MARCHF1: variants seen among roughly 807,000 people sequenced by gnomAD.
The protein encoded by MARCHF1 is membrane associated ring-CH-type finger 1, also known as E3 ubiquitin-protein ligase MARCHF1.
MARCHF1 carries 40 observed loss-of-function variants against 54.2 expected under a neutral mutation model. The observed-to-expected ratio is 0.74, with a 90% CI of 0.57 to 0.96. The LOEUF (loss-of-function observed/expected upper bound fraction) is 0.96, where lower values mean the gene tolerates loss of function less well. MARCHF1 is among the 40% of genes least tolerant of loss of function. MARCHF1 has a pLI of 0.00. For missense variants in MARCHF1, 586 were observed against 656.5 expected (o/e 0.89, Z 1.17); for synonymous variants, 236 against 236.3 (o/e 1.00, Z 0.01).
chr4:163,884,880 C>T (rs1167891513), intron 3 of MARCHF1, among the ~76,000 whole-genome samples: 2 of 151,996 alleles, frequency 1.3e-5, no homozygotes, highest in Non-Finnish European at 2.9e-5. Context: ...TAAGGACATA[C>T]CAAAAATACT....
At chr4:164,077,721 G>C (rs1755009474) in intron 2 of MARCHF1, among the ~76,000 whole-genome samples, 1 of 152,198 alleles carries the variant, frequency 6.6e-6, no homozygotes, top group African/African-American at 2.4e-5. Flanking sequence ...GTGGGTGAAG[G>C]ATATGAACAG....
intron 4 of MARCHF1, among the ~76,000 whole-genome samples, chr4:163,826,172 T>C (rs1301959411): frequency 6.6e-6 from 1 of 152,076 alleles, no homozygotes; most frequent in African/African-American, 2.4e-5. Flanking sequence ...CCTATTAATT[T>C]ACCTAGTATA....
At chr4:163,652,408 A>C (rs763477633) in intron 5 of MARCHF1, among the ~76,000 whole-genome samples, 1 of 151,714 alleles carries the variant, frequency 6.6e-6, no homozygotes, top group South Asian at 2.1e-4. Flanking sequence ...AGCCATATTC[A>C]CTTCTTTTCT....
intron 4 of MARCHF1, among the ~76,000 whole-genome samples, chr4:163,824,693 G>A (rs1322262065): frequency 1.2e-5 from 1 of 85,392 alleles, no homozygotes; most frequent in African/African-American, 3.6e-5. Context: ...TACCATCAGA[G>A]TGAACAGGCA....
chr4:163,828,054 C>CAGAG (rs58684554), intron 4 of MARCHF1, among the ~76,000 whole-genome samples: 1,635 of 148,288 alleles, frequency 0.011, 41 homozygotes, highest in Admixed American at 0.029. Context: ...CACACACACA[C>CAGAG]AGACACACCT....
intron 3 of MARCHF1, among the ~76,000 whole-genome samples, chr4:163,950,381 G>A (rs1752110890): frequency 6.6e-6 from 1 of 152,188 alleles, no homozygotes; most frequent in Non-Finnish European, 1.5e-5. Context: ...GACAGCATCC[G>A]GACTGTGCCA....
rs191927832 is a variant in MARCHF1, at chr4:164,356,837, A to G, written c.-323+27033T>C. On this transcript the variant is annotated intron_variant, in intron 1 of 9. Coordinates refer to ENST00000514618, the MANE Select transcript of MARCHF1 (RefSeq NM_001394959.1). ...TTGTCCATTGTATTAGTTCTCTATT[A>G]CTGCACAAATCAGAAAAATATTAGT... is the stretch of plus-strand genomic sequence containing the variant. Among the ~76,000 whole-genome samples, 5 of 150,832 alleles carry G rather than the reference A, an allele frequency of 3.3e-5. No individual in the cohort carries two copies. The Admixed American group carries it at 3.3e-4, about 10-fold the overall frequency.
chr4:163,997,723 G>A (rs1363888639), intron 2 of MARCHF1, among the ~76,000 whole-genome samples: 6 of 151,854 alleles, frequency 4.0e-5, no homozygotes, highest in Non-Finnish European at 7.4e-5. Context: ...TAGACAAGGA[G>A]TATGCTGCTG....
chr4:164,184,354 C>A (rs1730911456), intron 1 of MARCHF1, among the ~76,000 whole-genome samples: 1 of 152,156 alleles, frequency 6.6e-6, no homozygotes, highest in South Asian at 2.1e-4. Flanking sequence ...GCTTTTGCCA[C>A]ATACCTCTTT....
At chr4:163,570,834 T>G (rs1579072619) in intron 8 of MARCHF1, among the ~76,000 whole-genome samples, 1 of 152,246 alleles carries the variant, frequency 6.6e-6, no homozygotes, top group Middle Eastern at 3.4e-3. Context: ...GCACATCTAT[T>G]TCAGAATGCC....
intron 1 of MARCHF1, among the ~76,000 whole-genome samples, chr4:164,320,073 G>A (rs1463964153): frequency 6.6e-6 from 1 of 152,100 alleles, no homozygotes; most frequent in Non-Finnish European, 1.5e-5. Flanking sequence ...ACACATCCAT[G>A]AGTCTAATTG....
intron 1 of MARCHF1, among the ~76,000 whole-genome samples, chr4:164,211,612 C>G (rs1484642488): frequency 1.3e-5 from 2 of 151,932 alleles, no homozygotes; most frequent in East Asian, 1.9e-4. Context: ...TTTGCCAATA[C>G]AAGGCATATC....
At chr4:164,221,758 C>G (rs1489965401) in intron 1 of MARCHF1, among the ~76,000 whole-genome samples, 1 of 151,918 alleles carries the variant, frequency 6.6e-6, no homozygotes, top group East Asian at 1.9e-4. Context: ...CCTTGAAACA[C>G]CAGTGTTCCA....
At chr4:163,660,199 T>C (rs1354955601) in intron 5 of MARCHF1, among the ~76,000 whole-genome samples, 2 of 151,982 alleles carry the variant, frequency 1.3e-5, no homozygotes, top group African/African-American at 4.8e-5. Context: ...GTGGCACATA[T>C]ATATGAAGGA....
intron 1 of MARCHF1, among the ~76,000 whole-genome samples, chr4:164,154,932 C>G (rs1730037895): frequency 6.6e-6 from 1 of 152,116 alleles, no homozygotes; most frequent in Admixed American, 6.5e-5. Flanking sequence ...GGATGGGGAG[C>G]TGGACAGGGA....
intron 5 of MARCHF1, among the ~76,000 whole-genome samples, chr4:163,658,858 G>C (rs763605175): frequency 5.9e-5 from 9 of 151,854 alleles, no homozygotes; most frequent in Non-Finnish European, 1.0e-4. Flanking sequence ...TTAATACCTA[G>C]GTGATGGGTT....
At chr4:163,886,840 T>C (rs898936581) in intron 3 of MARCHF1, among the ~76,000 whole-genome samples, 13 of 152,142 alleles carry the variant, frequency 8.5e-5, no homozygotes, top group African/African-American at 2.4e-4. Flanking sequence ...TTTCTAAAGA[T>C]GAAGAGGTGT....
At chr4:163,954,524 T>C (rs1379605991) in intron 3 of MARCHF1, among the ~76,000 whole-genome samples, 1 of 152,190 alleles carries the variant, frequency 6.6e-6, no homozygotes, top group African/African-American at 2.4e-5. Context: ...CATAATTGTA[T>C]GCAATGTTCT....
intron 1 of MARCHF1, among the ~76,000 whole-genome samples, chr4:164,254,311 G>GTA (rs146447802): frequency 0.22 from 31,100 of 143,780 alleles, 3,465 homozygotes; most frequent in Admixed American, 0.34. Flanking sequence ...AGAACTAATA[G>GTA]TATACATATA....
Sources: gnomAD v4.1 joint callset for allele counts (sites outside exome capture counted in the v4.1 genomes callset) on GRCh38, gnomAD v4.1.1 for gene constraint, MANE v1.5 for transcripts, NCBI Gene and HGNC (gene_info 2026-07-23, HGNC 2026-07-21) for gene names.